Variants in VWF observed in about 807,000 individuals in gnomAD.
VWF encodes the protein Factor VIII related antigen.
A neutral mutation model predicts 308.6 loss-of-function variants in VWF; 176 were observed. The ratio of observed to expected loss-of-function variants is 0.57; its 90% CI spans 0.50 to 0.65. The LOEUF (loss-of-function observed/expected upper bound fraction) is 0.65. Among genes scored for constraint, VWF ranks in the 30% least tolerant of loss-of-function variants. VWF has a pLI of 0.00. For missense variants in VWF, 3,146 were observed against 3,648.2 expected (o/e 0.86, Z 3.55); for synonymous variants, 1,385 against 1,443.4 (o/e 0.96, Z 0.92).
rs570703117 is a variant in VWF at position 6,111,539 on chromosome 12, AT to A, written c.221-572del. On this transcript the variant is annotated intron_variant, in intron 3 of 51. Coordinates refer to ENST00000261405, the MANE Select transcript of VWF (RefSeq NM_000552.5). ...AAGTATGTACCACCACATCCAGCTA[AT>A]TTTTTTTTTCTTTTTGTAGAGACAA... Among the ~76,000 whole-genome samples, 68 of 150,056 alleles carry A rather than the reference AT, an allele frequency of 4.5e-4. 1 individual carries two copies. The South Asian group carries it at 0.013, about 29-fold the overall frequency.
rs1455431103 is a variant in VWF, at chr12:6,072,383, A to G, written c.1057T>C (p.Ser353Pro). The change falls in exon 9 of 52, where the codon TCC becomes CCC. Residue 353 changes from serine to proline, a missense_variant. Physicochemically the swap from Ser to Pro is moderately conservative, Grantham distance 74 (BLOSUM62 -1). Coordinates refer to ENST00000261405, the MANE Select transcript of VWF (RefSeq NM_000552.5). The stretch of plus-strand genomic sequence containing the variant: ...GTGCCGGGAGGGTAGCGCTTTCCGG[A>G]ATGCACGCAGGGACACTCGGTGCTC... ...VESTECPCVH[S>P]GKRYPPGTSL... 6.2e-7 allele frequency: 1 copy of G among 1,614,020 alleles called. No individual in the cohort carries two copies.
At chr12:6,120,451 C>T (rs945606936) in intron 3 of VWF, among the ~76,000 whole-genome samples, 2 of 152,050 alleles carry the variant, frequency 1.3e-5, no homozygotes, top group African/African-American at 2.4e-5. Context: ...TATAGACACA[C>T]ACCACCACAC....
At chr12:6,026,956 C>T (rs1944200406) in intron 22 of VWF, among the ~76,000 whole-genome samples, 2 of 152,078 alleles carry the variant, frequency 1.3e-5, no homozygotes, top group Non-Finnish European at 2.9e-5. Context: ...AATATTTGGC[C>T]TGGAGAAGAA....
intron 34 of VWF, among the ~76,000 whole-genome samples, chr12:6,005,562 C>G (rs1943915933): frequency 1.3e-5 from 2 of 152,128 alleles, no homozygotes; most frequent in Admixed American, 1.3e-4. Flanking sequence ...TCCGCTACAA[C>G]ATATATTATA....
intron 33 of VWF, 88 bp downstream of exon 33, chr12:6,011,999 G>A (rs1944001315): frequency 1.3e-6 from 2 of 1,520,364 alleles, no homozygotes; most frequent in Non-Finnish European, 1.8e-6. Context: ...ACTGGACTAA[G>A]ACCAAAGGAG....
At chr12:5,983,860 G>A (rs534689427) in intron 40 of VWF, among the ~76,000 whole-genome samples, 1 of 147,050 alleles carries the variant, frequency 6.8e-6, no homozygotes, top group East Asian at 2.1e-4. Context: ...CTTAGATAGA[G>A]ATAGGATAGA....
At position 5,953,652 on chromosome 12, in the gene VWF, T is replaced by C. The variant is rs1943218899; in HGVS notation, c.7888-58A>G. The C allele has an allele frequency of 2.1e-6, 3 of 1,415,112 alleles. No homozygotes were observed. In the African/African-American group the frequency reaches 4.2e-5, roughly 20 times the overall value. 87.7% of individuals were successfully genotyped at this position (1,415,112 alleles called of 1,614,324 possible). The stretch of plus-strand genomic sequence containing the variant: ...TAACCTCCTTAAAACATCCCAATTG[T>C]AAGTAGGCTGATTTTGCTGGCCTCT... On this transcript the variant is annotated intron_variant, in intron 47 of 51. Transcript: ENST00000261405.
At chr12:6,000,301 G>A (rs774406561) in intron 34 of VWF, among the ~76,000 whole-genome samples, 46 of 151,998 alleles carry the variant, frequency 3.0e-4, no homozygotes, top group Non-Finnish European at 5.3e-4. Context: ...AATTTACAAG[G>A]ACAAAAGAAT....
intron 34 of VWF, among the ~76,000 whole-genome samples, chr12:6,000,831 A>G (rs1169055212): frequency 1.1e-4 from 17 of 151,670 alleles, no homozygotes; most frequent in Admixed American, 8.5e-4. Context: ...AAAAAAAAAA[A>G]AAAGAAATCT....
chr12:6,026,302 C>G (rs150375655), intron 22 of VWF, among the ~76,000 whole-genome samples: 204 of 152,268 alleles, frequency 1.3e-3, no homozygotes, highest in Middle Eastern at 0.01. Context: ...GCCCATGTCA[C>G]ATAGTCAGCC....
intron 6 of VWF, chr12:6,095,152 T>C (rs930499446): frequency 7.9e-6 from 3 of 379,776 alleles, no homozygotes; most frequent in African/African-American, 6.3e-5. Context: ...ACCTTGATTT[T>C]GGGCTGCCTA....
chr12:6,058,035 C>A lies in VWF; in HGVS notation c.1543G>T (p.Val515Phe). The A allele has an allele frequency of 6.2e-7, 1 of 1,613,002 alleles. No individual in the cohort carries two copies. The highest frequency in any genetic ancestry group is 8.5e-7 in the Non-Finnish European group (1 of 1,179,998). The change falls in exon 14 of 52, where the codon GTC (valine) becomes TTC (phenylalanine). Residue 515 changes from valine (V) to phenylalanine (F), a missense_variant. Physicochemically the swap from Val to Phe is conservative, Grantham distance 50. This residue lies in a region of VWF where 1,304 missense variants were observed against 1,353.0 expected (regional missense o/e 0.96). Coordinates refer to ENST00000261405, the MANE Select transcript of VWF (RefSeq NM_000552.5). This position sits in a 1 kb window ranked among gnomAD's most constrained non-coding sequence, Gnocchi z 4.9. Reference sequence around the variant, plus strand: ...AGGCCGCAGGTCTTCCCGGCATAGACGGGGGACAGCTGCAGGAGAGACCAG... The same window carrying A: ...AGGCCGCAGGTCTTCCCGGCATAGAAGGGGGACAGCTGCAGGAGAGACCAG... The part of the protein sequence containing the change: ...RGRLLVKLSP[V>F]YAGKTCGLCG...
intron 6 of VWF, among the ~76,000 whole-genome samples, chr12:6,081,585 G>A (rs926558236): frequency 5.3e-5 from 8 of 152,110 alleles, no homozygotes; most frequent in African/African-American, 1.7e-4. Context: ...TGATCCACCC[G>A]CCTTTGCCTC....
At position 5,996,176 on chromosome 12, in the gene VWF, C is replaced by T; in HGVS notation, c.5889G>A (p.Gly1963=). 6.2e-7 allele frequency: 1 copy of T among 1,613,942 alleles called. No individual in the cohort carries two copies. Among genetic ancestry groups the T allele is most frequent in the Non-Finnish European group, 8.5e-7 (1 of 1,179,982 alleles). Residue 1963 remains glycine (G), a synonymous_variant, in exon 35 of 52, where the codon GGG becomes GGA. Coordinates refer to ENST00000261405, the MANE Select transcript of VWF (RefSeq NM_000552.5). ...SSTRHIVTFD[G]QNFKLTGSCS... ...AGCTGCCAGTCAGCTTGAAATTCTG[C>T]CCATCAAAGGTCACGATGTGCCGAG...
At chr12:6,092,090 C>T (rs372165243) in intron 6 of VWF, among the ~76,000 whole-genome samples, 217 of 152,234 alleles carry the variant, frequency 1.4e-3, no homozygotes, top group African/African-American at 4.4e-3. Flanking sequence ...TGGGTATAGG[C>T]AGGGGCCACC....
chr12:6,108,580 A>T (rs1483313502), intron 5 of VWF, among the ~76,000 whole-genome samples: 4 of 151,296 alleles, frequency 2.6e-5, no homozygotes, highest in Non-Finnish European at 5.9e-5. Context: ...CATACATAGA[A>T]CACTTGTAAA....
chr12:5,955,472 GT>G (rs1396082162), intron 47 of VWF, among the ~76,000 whole-genome samples: 1 of 151,934 alleles, frequency 6.6e-6, no homozygotes, highest in Non-Finnish European at 1.5e-5. Context: ...GCGGTGTTTG[GT>G]TTTTTGTCCT....
chr12:6,073,235 T>C (rs937075488), intron 8 of VWF, among the ~76,000 whole-genome samples: 1 of 152,204 alleles, frequency 6.6e-6, no homozygotes, highest in Non-Finnish European at 1.5e-5. Context: ...GACTTTCTAG[T>C]GCAGAGCCCT....
chr12:6,093,431 A>T lies in VWF; in HGVS notation c.657+2029T>A, dbSNP rs1945072022. Among the ~76,000 whole-genome samples, 2 of 152,174 alleles carry T rather than the reference A, an allele frequency of 1.3e-5. 1 individual carries two copies. Among genetic ancestry groups the T allele is most frequent in the South Asian group, 4.1e-4 (2 of 4,830 alleles). ...TGAAGGATCAGCTGAGGCCCCGCTG[A>T]AGCTCTATCAGTGCTATCACAAGCA... On this transcript the variant is annotated intron_variant, in intron 6 of 51. Coordinates refer to ENST00000261405, the MANE Select transcript of VWF (RefSeq NM_000552.5).
Sources: allele counts gnomAD v4.1 joint callset (sites outside exome capture counted in the v4.1 genomes callset), GRCh38; gene constraint gnomAD v4.1.1; regional missense constraint gnomAD v4.1.1; non-coding constraint Gnocchi (gnomAD v3.1); transcripts MANE v1.5; gene names NCBI Gene and HGNC (gene_info 2026-07-23, HGNC 2026-07-21).